Variants in RBMS1 observed in about 807,000 individuals in gnomAD.
The protein encoded by RBMS1 is RNA binding motif single stranded interacting protein 1.
A neutral mutation model predicts 62.3 loss-of-function variants in RBMS1; 17 were observed. That is an observed-to-expected ratio of 0.27 (90% CI 0.19 to 0.41). The LOEUF (loss-of-function observed/expected upper bound fraction) is 0.41, where lower values mean the gene tolerates loss of function less well. Among genes scored for constraint, RBMS1 ranks in the 10% least tolerant of loss-of-function variants. The pLI, the probability that RBMS1 is intolerant of heterozygous loss-of-function variation, is 1.00. For synonymous variants in RBMS1, 172 were observed against 170.0 expected (o/e 1.01, Z -0.09); for missense variants, 334 against 504.5 (o/e 0.66, Z 3.24).
At chr2:160,397,381 TTTCTCC>T (rs1431096556) in intron 1 of RBMS1, among the ~76,000 whole-genome samples, 2 of 152,046 alleles carry the variant, frequency 1.3e-5, no homozygotes, top group Non-Finnish European at 2.9e-5. Context: ...CATAACCCAT[TTTCTCC>T]TTCCTGTAAT....
chr2:160,493,319 G>C lies in RBMS1; in HGVS notation c.45C>G (p.Thr15=). 2 of 1,613,512 alleles carry C rather than the reference G, an allele frequency of 1.2e-6. No homozygotes were observed. The highest frequency in any genetic ancestry group is 1.7e-6 in the Non-Finnish European group (2 of 1,179,610). ...CTTGCAGATACTGGGGGTAATAGTA[G>C]GTGGCGTACTGAGGGTACATCTGCT... ...WKQQMYPQYA[T]YYYPQYLQAK... is the part of the protein sequence containing the mutation. The change falls in exon 1 of 14, where the codon ACC becomes ACG. Residue 15 remains threonine, a synonymous_variant. Coordinates refer to ENST00000348849, the MANE Select transcript of RBMS1 (RefSeq NM_016836.4).
In RBMS1 at chr2:160,493,607, A is replaced by T; in HGVS notation, c.-244T>A. On this transcript the variant is annotated 5_prime_UTR_variant, in exon 1 of 14. Transcript: ENST00000348849. The stretch of plus-strand genomic sequence containing the variant: ...TCCTCCTCCTCCCAGGCAGAAAGAA[A>T]GACACTGCAGAGCGCAGAGGGCACC... 1 of 584,824 alleles carries T rather than the reference A, an allele frequency of 1.7e-6. No homozygotes were observed. Among genetic ancestry groups the T allele is most frequent in the Non-Finnish European group, 3.0e-6 (1 of 330,180 alleles). The allele number at this position is 584,824 out of a possible 1,614,324, so 36.2% of individuals were successfully genotyped here.
chr2:160,379,268 C>T (rs1694160075), intron 1 of RBMS1, among the ~76,000 whole-genome samples: 1 of 152,056 alleles, frequency 6.6e-6, no homozygotes, highest in African/African-American at 2.4e-5. Context: ...CAGCAGCCCA[C>T]CATTATACTC....
intron 1 of RBMS1, among the ~76,000 whole-genome samples, chr2:160,480,789 T>G (rs902118439): frequency 1.3e-5 from 2 of 152,120 alleles, no homozygotes; most frequent in African/African-American, 4.8e-5. Context: ...ATTGCTACAG[T>G]AATTAGTATT....
chr2:160,385,033 C>T (rs1694494876), intron 1 of RBMS1, among the ~76,000 whole-genome samples: 1 of 152,152 alleles, frequency 6.6e-6, no homozygotes, highest in African/African-American at 2.4e-5. Flanking sequence ...CATCTGCTCC[C>T]ACTCTGTCTT....
At chr2:160,291,108 T>C (rs1688658272) in intron 6 of RBMS1, among the ~76,000 whole-genome samples, 1 of 152,208 alleles carries the variant, frequency 6.6e-6, no homozygotes, top group Non-Finnish European at 1.5e-5. Flanking sequence ...TCCTCACTTA[T>C]CAAACAGCTT....
rs577748840 is a variant in RBMS1, at chr2:160,452,420, T to TC, written c.75+40868dup. Among the ~76,000 whole-genome samples, 14 of 152,322 alleles carry TC rather than the reference T, an allele frequency of 9.2e-5. No individual in the cohort carries two copies. In the South Asian group the frequency reaches 2.9e-3, roughly 32 times the overall value. On this transcript the variant is annotated intron_variant, in intron 1 of 13. Transcript: ENST00000348849. The stretch of plus-strand genomic sequence containing the variant: ...AGTATTTGCATATAACCTAGGGACA[T>TC]CCCCCTGTATATTTAAATGATCTCT...
At chr2:160,311,236 A>ATATCTATATATATATATATC (rs1303110202) in intron 4 of RBMS1, among the ~76,000 whole-genome samples, 7 of 60,720 alleles carry the variant, frequency 1.2e-4, no homozygotes, top group African/African-American at 3.0e-4. Flanking sequence ...ATCTATCTAT[A>ATATCTATATATATATATATC]TATATATATA....
At chr2:160,378,370 T>C (rs979606624) in intron 1 of RBMS1, among the ~76,000 whole-genome samples, 2 of 152,086 alleles carry the variant, frequency 1.3e-5, no homozygotes, top group African/African-American at 2.4e-5. Context: ...TCCCAACACT[T>C]TGGGAAGCCA....
chr2:160,405,992 G>C (rs911886136), intron 1 of RBMS1, among the ~76,000 whole-genome samples: 1 of 152,182 alleles, frequency 6.6e-6, no homozygotes, highest in African/African-American at 2.4e-5. Flanking sequence ...CTGGATCCGA[G>C]AGCATTTCTT....
intron 2 of RBMS1, among the ~76,000 whole-genome samples, chr2:160,353,350 A>G (rs775274201): frequency 5.3e-4 from 80 of 152,128 alleles, no homozygotes; most frequent in Non-Finnish European, 9.4e-4. Flanking sequence ...TGTCACCTCC[A>G]GCAATGACCA....
intron 1 of RBMS1, among the ~76,000 whole-genome samples, chr2:160,491,866 T>TA (rs940073020): frequency 6.6e-6 from 1 of 152,194 alleles, no homozygotes; most frequent in Non-Finnish European, 1.5e-5. Flanking sequence ...CAGAGATGAA[T>TA]AAGGGGTATC....
At chr2:160,376,352 T>C (rs897239694) in intron 1 of RBMS1, among the ~76,000 whole-genome samples, 3 of 152,200 alleles carry the variant, frequency 2.0e-5, no homozygotes, top group Non-Finnish European at 4.4e-5. Flanking sequence ...AAAAGCATTA[T>C]CTGTACTTAC....
intron 4 of RBMS1, 101 bp from the exon 5 acceptor site, chr2:160,303,588 T>C (rs1327630280): frequency 7.6e-7 from 1 of 1,315,946 alleles, no homozygotes; most frequent in African/African-American, 1.5e-5. Context: ...CTCAAGTCCT[T>C]TTAAAGTACT....
chr2:160,320,828 AG>A (rs1378283124), intron 2 of RBMS1, among the ~76,000 whole-genome samples: 1 of 152,118 alleles, frequency 6.6e-6, no homozygotes, highest in African/African-American at 2.4e-5. Flanking sequence ...ATTCCTTTAC[AG>A]GAACACGAAA....
chr2:160,363,558 GAGA>G (rs1195331697), intron 2 of RBMS1, among the ~76,000 whole-genome samples: 2 of 151,950 alleles, frequency 1.3e-5, no homozygotes, highest in African/African-American at 2.4e-5. Context: ...TTCTGGTAGG[GAGA>G]AGAAGGAAGA....
intron 7 of RBMS1, among the ~76,000 whole-genome samples, chr2:160,286,526 G>T (rs1574216530): frequency 6.6e-6 from 1 of 151,862 alleles, no homozygotes; most frequent in Admixed American, 6.6e-5. Context: ...CGCCATGTTG[G>T]CCAGGCTGAT....
At chr2:160,296,310 C>A (rs1688930321) in intron 6 of RBMS1, among the ~76,000 whole-genome samples, 2 of 152,122 alleles carry the variant, frequency 1.3e-5, no homozygotes, top group South Asian at 4.1e-4. Context: ...ATTTTATGCT[C>A]CAAATTTGTG....
At chr2:160,374,371 T>C (rs1244982095) in intron 1 of RBMS1, among the ~76,000 whole-genome samples, 1 of 152,174 alleles carries the variant, frequency 6.6e-6, no homozygotes, top group African/African-American at 2.4e-5. Context: ...AGGATCATTC[T>C]TCACAAAAGC....
Sources: gnomAD v4.1 joint callset for allele counts (sites outside exome capture counted in the v4.1 genomes callset) on GRCh38, gnomAD v4.1.1 for gene constraint, MANE v1.5 for transcripts, NCBI Gene and HGNC (gene_info 2026-07-23, HGNC 2026-07-21) for gene names.